TBX15: variants seen among roughly 807,000 people sequenced by gnomAD.
TBX15 encodes the protein T-box transcription factor 15, also known as T-box transcription factor TBX15.
Under a neutral mutation model 53.9 loss-of-function variants are expected in TBX15, and 18 were observed. That is an observed-to-expected ratio of 0.33 (90% CI 0.23 to 0.49). The LOEUF (loss-of-function observed/expected upper bound fraction) is 0.49, where lower values mean the gene tolerates loss of function less well. Ranked by LOEUF, TBX15 falls within the 20% of genes least tolerant of loss-of-function variation. The pLI is 0.98. For synonymous variants in TBX15, 295 were observed against 278.0 expected, an observed-to-expected ratio of 1.06 and a Z score of -0.61; for missense variants, 692 against 749.5, an observed-to-expected ratio of 0.92 and a Z score of 0.90.
intron 7 of TBX15, chr1:118,891,002 A>G (rs1654122265): frequency 2.5e-6 from 3 of 1,189,614 alleles, no homozygotes; most frequent in Non-Finnish European, 3.3e-6. Context: ...TCAGCACCCT[A>G]TAGACTGATC....
At chr1:118,937,732 T>C (rs1656013465) in intron 1 of TBX15, among the ~76,000 whole-genome samples, 1 of 152,234 alleles carries the variant, frequency 6.6e-6, no homozygotes, top group African/African-American at 2.4e-5. Flanking sequence ...ACCCGGATGA[T>C]AGACAATTCA....
intron 1 of TBX15, among the ~76,000 whole-genome samples, chr1:118,946,027 TA>T (rs1198102199): frequency 1.3e-5 from 2 of 152,144 alleles, no homozygotes; most frequent in African/African-American, 4.8e-5. Flanking sequence ...TTATACCAAG[TA>T]CTACACAAGT....
chr1:118,900,227 G>T (rs1654577084), intron 6 of TBX15, among the ~76,000 whole-genome samples: 1 of 152,148 alleles, frequency 6.6e-6, no homozygotes. Flanking sequence ...TTCATTGCAA[G>T]GTCACTGGAA....
At chr1:118,897,061 A>G (rs1654454867) in intron 7 of TBX15, among the ~76,000 whole-genome samples, 1 of 152,220 alleles carries the variant, frequency 6.6e-6, no homozygotes, top group Non-Finnish European at 1.5e-5. Flanking sequence ...AGTTTATTTG[A>G]AACCATTGTT....
intron 6 of TBX15, among the ~76,000 whole-genome samples, chr1:118,910,110 C>A (rs1325543515): frequency 1.3e-5 from 2 of 152,264 alleles, no homozygotes; most frequent in East Asian, 3.9e-4. Context: ...TTCCCCTCTT[C>A]TTGAGCCTCT....
At chr1:118,947,883 C>G (rs1277760185) in intron 1 of TBX15, among the ~76,000 whole-genome samples, 1 of 152,124 alleles carries the variant, frequency 6.6e-6, no homozygotes, top group African/African-American at 2.4e-5. Flanking sequence ...CAACTATTGC[C>G]TCATTTTTAA....
At chr1:118,964,306 T>G (rs1314069874) in intron 1 of TBX15, among the ~76,000 whole-genome samples, 1 of 152,242 alleles carries the variant, frequency 6.6e-6, no homozygotes, top group Non-Finnish European at 1.5e-5. Flanking sequence ...AGCATCCTAT[T>G]TACTACTGTG....
chr1:118,964,693 A>G (rs961081593), intron 1 of TBX15, among the ~76,000 whole-genome samples: 3 of 152,242 alleles, frequency 2.0e-5, no homozygotes, highest in African/African-American at 7.2e-5. Flanking sequence ...GGCATCTTGT[A>G]AAAACAACCT....
At chr1:118,984,114 T>G (rs1480836933) in intron 1 of TBX15, among the ~76,000 whole-genome samples, 3 of 152,250 alleles carry the variant, frequency 2.0e-5, no homozygotes, top group Non-Finnish European at 2.9e-5. Context: ...CGGCCGCGCT[T>G]TCTGCAAGGG....
intron 1 of TBX15, among the ~76,000 whole-genome samples, chr1:118,971,489 A>T (rs1462806685): frequency 6.6e-6 from 1 of 152,248 alleles, no homozygotes; most frequent in Non-Finnish European, 1.5e-5. Context: ...GCCAACAGGA[A>T]TTCAAAGATG....
At position 118,893,356 on chromosome 1, in the gene TBX15, G is replaced by GGAAGGAAGGAAGGAAA. The variant is rs1409523115; in HGVS notation, c.1024+5671_1024+5672insTTTCCTTCCTTCCTTC. Among the ~76,000 whole-genome samples, 37 of 51,060 alleles carry GGAAGGAAGGAAGGAAA rather than the reference G, an allele frequency of 7.2e-4. 1 individual carries two copies. Among genetic ancestry groups the GGAAGGAAGGAAGGAAA allele is most frequent in the African/African-American group, 4.2e-3 (35 of 8,344 alleles). The allele number at this position is 51,060 out of a possible 152,430, so 33.5% of individuals were successfully genotyped here. A position where few individuals can be genotyped will look rare whatever the true frequency, so the allele number is the denominator to read the frequency against. ...AAGAAGGAAGGAAGGAAGGAAGGAA[G>GGAAGGAAGGAAGGAAA]GAAAGAAAGAAAGAAAGAAAGAAAG... On this transcript the variant is annotated intron_variant, in intron 7 of 7. Coordinates refer to ENST00000369429, the MANE Select transcript of TBX15 (RefSeq NM_001330677.2).
intron 1 of TBX15, 113 bp downstream of exon 1, chr1:118,987,478 T>G: frequency 7.8e-7 from 1 of 1,287,988 alleles, no homozygotes; most frequent in South Asian, 1.5e-5. Flanking sequence ...AAACCTATGT[T>G]GGGGCAAGGC....
chr1:118,900,080 G>T (rs1341246810), intron 6 of TBX15, among the ~76,000 whole-genome samples: 1 of 152,112 alleles, frequency 6.6e-6, no homozygotes, highest in Non-Finnish European at 1.5e-5. Context: ...TTTGTTTGAA[G>T]CTTTGAACAC....
chr1:118,898,892 C>T (rs1468296003), intron 7 of TBX15, 136 bp downstream of exon 7: 2 of 873,866 alleles, frequency 2.3e-6, no homozygotes, highest in South Asian at 1.5e-5. Context: ...ATTTACAGAG[C>T]TCCTGAGTTC....
chr1:118,921,436 AATC>A (rs1290881449), intron 5 of TBX15, among the ~76,000 whole-genome samples: 5 of 152,222 alleles, frequency 3.3e-5, no homozygotes, highest in South Asian at 2.1e-4. Context: ...CCTCATTTAA[AATC>A]ATGCAGAAAA....
At chr1:118,932,496 C>CAT (rs1348045234) in intron 1 of TBX15, among the ~76,000 whole-genome samples, 1 of 152,006 alleles carries the variant, frequency 6.6e-6, no homozygotes, top group Non-Finnish European at 1.5e-5. Flanking sequence ...AGGATGTAAG[C>CAT]ATATGGAAAA....
chr1:118,969,953 G>A (rs137887955), intron 1 of TBX15, among the ~76,000 whole-genome samples: 2 of 152,344 alleles, frequency 1.3e-5, no homozygotes, highest in Middle Eastern at 3.4e-3. Flanking sequence ...CTGATGGGAG[G>A]TGATTGGATC....
chr1:118,927,578 C>T (rs2101603180), intron 2 of TBX15, among the ~76,000 whole-genome samples: 1 of 152,206 alleles, frequency 6.6e-6, no homozygotes, highest in Non-Finnish European at 1.5e-5. Flanking sequence ...AGAGGAAGGA[C>T]CCTGTGGAAT....
Position 118,884,619 on chromosome 1 carries a change from A to AG in TBX15, c.*112_*113insC, listed in dbSNP as rs902120672. On this transcript the variant is annotated 3_prime_UTR_variant, in exon 8 of 8. Transcript: ENST00000369429. ...GTCTTCGGCCAGAAAAAAAAAAAAA[A>AG]AAAAAACACGGTTCCTGTTTTTCAA... 7.4e-7 allele frequency: 1 copy of AG among 1,353,588 alleles called. No homozygotes were observed. Among genetic ancestry groups the AG allele is most frequent in the African/African-American group, 1.5e-5 (1 of 67,384 alleles). The allele number at this position is 1,353,588 out of a possible 1,614,324, so 83.8% of individuals were successfully genotyped here. A position where few individuals can be genotyped will look rare whatever the true frequency, so the allele number is the denominator to read the frequency against.
Sources: allele counts gnomAD v4.1 joint callset (sites outside exome capture counted in the v4.1 genomes callset), GRCh38; gene constraint gnomAD v4.1.1; transcripts MANE v1.5; gene names NCBI Gene and HGNC (gene_info 2026-07-23, HGNC 2026-07-21).